Variants in MAPKAPK3 observed in about 807,000 individuals in gnomAD.
MAPKAPK3 encodes MAPK activated protein kinase 3, also known as MAP kinase-activated protein kinase 3.
In MAPKAPK3, 35 loss-of-function variants were observed where a neutral mutation model predicts 49.2. The ratio of observed to expected loss-of-function variants is 0.71; its 90% CI spans 0.54 to 0.94. The LOEUF is 0.94. Ranked by LOEUF, MAPKAPK3 falls within the 40% of genes least tolerant of loss-of-function variation. The pLI is 0.00. For missense variants in MAPKAPK3, 398 were observed against 493.1 expected, an observed-to-expected ratio of 0.81 and a Z score of 1.83; for synonymous variants, 178 against 188.7, an observed-to-expected ratio of 0.94 and a Z score of 0.46.
chr3:50,637,763 G>T (rs930378407), intron 2 of MAPKAPK3, among the ~76,000 whole-genome samples: 1 of 152,030 alleles, frequency 6.6e-6, no homozygotes, highest in Non-Finnish European at 1.5e-5. Context: ...GATCTGAATT[G>T]AGCCCTGAAG....
At chr3:50,641,840 A>T (rs2033183441) in intron 4 of MAPKAPK3, 69 bp downstream of exon 4, 1 of 1,323,258 alleles carries the variant, frequency 7.6e-7, no homozygotes, top group African/African-American at 1.4e-5. Context: ...GTTGTGTGTG[A>T]TGCTAGGCAA....
chr3:50,647,027 TCCA>T, intron 9 of MAPKAPK3, 93 bp from the exon 10 acceptor site: 1 of 1,236,780 alleles, frequency 8.1e-7, no homozygotes, highest in Admixed American at 2.1e-5. Flanking sequence ...CCTTGGTTTT[TCCA>T]TCTGAGTCTG....
At position 50,646,127 on chromosome 3, in the gene MAPKAPK3, C is replaced by G; in HGVS notation, c.705-13C>G. Reference sequence around the variant, plus strand: ...CTCCCACCCTATGCCAAATGACTTACCCCTTCCCCCAGCCTTTGTGGCTTC... The same window carrying G: ...CTCCCACCCTATGCCAAATGACTTAGCCCTTCCCCCAGCCTTTGTGGCTTC... On this transcript the variant is annotated splice_polypyrimidine_tract_variant and intron_variant, in intron 7 of 10. Transcript: ENST00000621469. The G allele has an allele frequency of 6.2e-7, 1 of 1,611,970 alleles. No homozygotes were observed. The highest frequency in any genetic ancestry group is 2.2e-5 in the East Asian group (1 of 44,834).
At chr3:50,641,502 G>C (rs2033175053) in intron 3 of MAPKAPK3, among the ~76,000 whole-genome samples, 1 of 152,198 alleles carries the variant, frequency 6.6e-6, no homozygotes, top group Non-Finnish European at 1.5e-5. Flanking sequence ...CCCTCTTCTA[G>C]TTCCAAGAGT....
At chr3:50,640,533 C>A in intron 3 of MAPKAPK3, 28 bp downstream of exon 3, 1 of 1,579,010 alleles carries the variant, frequency 6.3e-7, no homozygotes, top group Non-Finnish European at 8.6e-7. Context: ...GTCTCCACAC[C>A]CCCTCGGCAT....
rs779765556 is a variant in MAPKAPK3 at position 50,645,779 on chromosome 3, A to G, written c.698A>G (p.Tyr233Cys). The G allele has an allele frequency of 1.2e-6, 2 of 1,613,880 alleles. No homozygotes were observed. Among genetic ancestry groups the G allele is most frequent in the African/African-American group, 2.7e-5 (2 of 74,894 alleles). Residue 233 changes from tyrosine to cysteine, a missense_variant, in exon 7 of 11, where the codon TAC becomes TGC. This residue lies in a region of MAPKAPK3 where 30 missense variants were observed against 70.5 expected (regional missense o/e 0.43). Transcript: ENST00000621469. Reference sequence around the variant, plus strand: ...ATGTGGTCCCTGGGTGTCATCATGTACATCCTGTGAGTACCTTCCCCACCC... The same window carrying G: ...ATGTGGTCCCTGGGTGTCATCATGTGCATCCTGTGAGTACCTTCCCCACCC... ...CDMWSLGVIM[Y>C]ILLCGFPPFY...
chr3:50,614,014 T>C (rs1025758865), upstream of MAPKAPK3: 1 of 152,302 alleles, frequency 6.6e-6, no homozygotes, highest in African/African-American at 2.4e-5. Context: ...AAGTATCTCC[T>C]ACAGGTCAGT....
upstream of MAPKAPK3, among the ~76,000 whole-genome samples, chr3:50,613,534 A>C (rs1483410214): frequency 1.3e-5 from 2 of 152,160 alleles, no homozygotes; most frequent in Non-Finnish European, 2.9e-5. Context: ...CCCTGTGTGG[A>C]CCACTGACTT....
intron 2 of MAPKAPK3, among the ~76,000 whole-genome samples, chr3:50,636,836 G>A (rs1393911224): frequency 1.3e-5 from 2 of 152,134 alleles, no homozygotes; most frequent in Admixed American, 1.3e-4. Flanking sequence ...AGACAGCTCA[G>A]GGGATTTCTT....
chr3:50,647,974 C>T lies in MAPKAPK3; in HGVS notation c.1077C>T (p.Asn359=). The change falls in exon 11 of 11, where the codon AAC becomes AAT. Residue 359 remains asparagine, a synonymous_variant. Transcript: ENST00000621469. ...VKIKDLKTSN[N]RLLNKRRKKQ... is the part of the protein sequence containing the mutation. Reference sequence around the variant, plus strand: ...TCAAGGACCTGAAGACCTCTAACAACCGGCTCCTCAACAAGAGGAGAAAAA... The same window carrying T: ...TCAAGGACCTGAAGACCTCTAACAATCGGCTCCTCAACAAGAGGAGAAAAA... The T allele has an allele frequency of 6.2e-7, 1 of 1,613,946 alleles. No individual in the cohort carries two copies. The highest frequency in any genetic ancestry group is 1.1e-5 in the South Asian group (1 of 91,088).
At chr3:50,635,982 T>C (rs1444783922) in intron 2 of MAPKAPK3, among the ~76,000 whole-genome samples, 3 of 139,474 alleles carry the variant, frequency 2.2e-5, no homozygotes, top group Non-Finnish European at 3.0e-5. Flanking sequence ...TGTGGTGGCA[T>C]GCACCTGTGG....
chr3:50,622,940 C>A (rs1278944546), intron 2 of MAPKAPK3, among the ~76,000 whole-genome samples: 1 of 152,232 alleles, frequency 6.6e-6, no homozygotes, highest in Non-Finnish European at 1.5e-5. Flanking sequence ...GCCCAGTACC[C>A]TGGATGCCTC....
chr3:50,629,208 C>T (rs2032841308), intron 2 of MAPKAPK3, among the ~76,000 whole-genome samples: 1 of 152,210 alleles, frequency 6.6e-6, no homozygotes, highest in Non-Finnish European at 1.5e-5. Flanking sequence ...AGAGCCCAGT[C>T]TGGCTGTGCC....
At chr3:50,644,229 A>G (rs1208237317) in intron 5 of MAPKAPK3, among the ~76,000 whole-genome samples, 180 bp from the exon 6 acceptor site, 3 of 152,250 alleles carry the variant, frequency 2.0e-5, no homozygotes, top group African/African-American at 4.8e-5. Flanking sequence ...GAATGAAGGT[A>G]GCACCTTGGG....
chr3:50,622,149 G>A (rs2032624966), intron 2 of MAPKAPK3, among the ~76,000 whole-genome samples: 1 of 152,252 alleles, frequency 6.6e-6, no homozygotes, highest in Non-Finnish European at 1.5e-5. Flanking sequence ...TGGGATCTCA[G>A]TGATGCCTCA....
At position 50,648,026 on chromosome 3, in the gene MAPKAPK3, C is replaced by A; in HGVS notation, c.1129C>A (p.Gln377Lys). The change falls in exon 11 of 11, where the codon CAG becomes AAG. Residue 377 changes from glutamine (Q) to lysine (K), a missense_variant. Around this residue, in one of 5 missense-constraint regions of MAPKAPK3, gnomAD observed 152 missense variants for 177.3 expected, o/e 0.86. Coordinates refer to ENST00000621469, the MANE Select transcript of MAPKAPK3 (RefSeq NM_001243925.2). ...GCAGGCAGGCAGCTCCTCTGCCTCA[C>A]AGGGCTGCAACAACCAGTAGCTCAT... ...KKQAGSSSAS[Q>K]GCNNQ The A allele has an allele frequency of 6.2e-7, 1 of 1,613,402 alleles. No homozygotes were observed. The highest frequency in any genetic ancestry group is 8.5e-7 in the Non-Finnish European group (1 of 1,179,810).
chr3:50,642,393 C>A, intron 5 of MAPKAPK3, 61 bp downstream of exon 5: 1 of 1,268,702 alleles, frequency 7.9e-7, no homozygotes, highest in Non-Finnish European at 1.1e-6. Flanking sequence ...ACTCCACAAT[C>A]CCTGATGGCA....
intron 2 of MAPKAPK3, among the ~76,000 whole-genome samples, chr3:50,622,212 C>G (rs1681715): frequency 6.6e-6 from 1 of 152,192 alleles, no homozygotes. Context: ...AAACTAAGCT[C>G]TGGAGACCAG....
intron 2 of MAPKAPK3, among the ~76,000 whole-genome samples, chr3:50,625,209 A>G (rs1450039414): frequency 6.6e-6 from 1 of 152,164 alleles, no homozygotes; most frequent in Non-Finnish European, 1.5e-5. Flanking sequence ...CATTCATGCT[A>G]TGAGACAACA....
Sources: allele counts gnomAD v4.1 joint callset (sites outside exome capture counted in the v4.1 genomes callset), GRCh38; gene constraint gnomAD v4.1.1; regional missense constraint gnomAD v4.1.1; transcripts MANE v1.5; gene names NCBI Gene and HGNC (gene_info 2026-07-23, HGNC 2026-07-21).